Variants in GFPT1 observed in about 807,000 individuals in gnomAD.
The protein encoded by GFPT1 is glutamine--fructose-6-phosphate aminotransferase [isomerizing] 1.
Under a neutral mutation model 92.0 loss-of-function variants are expected in GFPT1, and 40 were observed. That is an observed-to-expected ratio of 0.43 (90% CI 0.34 to 0.57). The LOEUF (loss-of-function observed/expected upper bound fraction) is 0.57. Ranked by LOEUF, GFPT1 falls within the 20% of genes least tolerant of loss-of-function variation. The probability of loss-of-function intolerance (pLI) is 0.02; values close to 1 mark genes in which losing one functional copy is unlikely to be tolerated. For missense variants in GFPT1, 448 were observed against 869.1 expected (o/e 0.52, Z 6.09); for synonymous variants, 269 against 280.6 (o/e 0.96, Z 0.41).
At chr2:69,352,589 A>C (rs1177330232) in intron 9 of GFPT1, among the ~76,000 whole-genome samples, 1 of 120,754 alleles carries the variant, frequency 8.3e-6, no homozygotes, top group Admixed American at 9.1e-5. Context: ...CTACAGCCTG[A>C]GCAACAGAGC....
chr2:69,381,203 G>A (rs1221999940), intron 1 of GFPT1, among the ~76,000 whole-genome samples: 5 of 152,136 alleles, frequency 3.3e-5, no homozygotes, highest in African/African-American at 1.2e-4. Flanking sequence ...GGCTGGTCTC[G>A]AACTCCTGAC....
At chr2:69,338,413 T>C (rs768981906) in intron 14 of GFPT1, 32 bp downstream of exon 14, 2 of 1,578,008 alleles carry the variant, frequency 1.3e-6, no homozygotes, top group African/African-American at 1.4e-5. Flanking sequence ...AGAATAACTT[T>C]CCTTCCTTTT....
chr2:69,326,753 T>C (rs1313170693), intron 19 of GFPT1, among the ~76,000 whole-genome samples, 161 bp downstream of exon 19: 1 of 152,210 alleles, frequency 6.6e-6, no homozygotes, highest in Non-Finnish European at 1.5e-5. Flanking sequence ...TAAGAAGATG[T>C]TGTGATGTAA....
Position 69,361,972 on chromosome 2 carries a change from C to T in GFPT1, c.349+1573G>A, listed in dbSNP as rs528097992. ...CCAGCCTGGGTGGAGGAGTGAGACC[C>T]TGTCTCTAAAATAAAAGGAAAAAAA... On this transcript the variant is annotated intron_variant, in intron 4 of 19. Coordinates refer to ENST00000357308, the MANE Select transcript of GFPT1 (RefSeq NM_001244710.2). 2.0e-5 allele frequency among the ~76,000 whole-genome samples: 3 copies of T among 152,130 alleles called. No homozygotes were observed. The South Asian group carries it at 6.2e-4, about 32-fold the overall frequency.
chr2:69,385,749 T>C (rs966461846), intron 1 of GFPT1, among the ~76,000 whole-genome samples: 4 of 152,108 alleles, frequency 2.6e-5, no homozygotes, highest in African/African-American at 4.8e-5. Flanking sequence ...TTCTACTAAG[T>C]AGACACTGCA....
At chr2:69,360,056 G>A (rs767588364) in intron 4 of GFPT1, among the ~76,000 whole-genome samples, 1 of 152,084 alleles carries the variant, frequency 6.6e-6, no homozygotes, top group African/African-American at 2.4e-5. Flanking sequence ...GGCTGAGCAC[G>A]GTGGCTCATG....
chr2:69,347,211 T>C (rs893951541), intron 11 of GFPT1, among the ~76,000 whole-genome samples: 2 of 130,598 alleles, frequency 1.5e-5, no homozygotes, highest in Admixed American at 7.5e-5. Flanking sequence ...GCACCTGGAC[T>C]TTTTTTTTTT....
chr2:69,351,470 T>C (rs774973889), intron 9 of GFPT1, among the ~76,000 whole-genome samples: 1 of 152,212 alleles, frequency 6.6e-6, no homozygotes, highest in Non-Finnish European at 1.5e-5. Context: ...TGCTATTTCA[T>C]CTATCCTCTT....
intron 15 of GFPT1, 109 bp downstream of exon 15, chr2:69,337,789 T>C: frequency 1.1e-6 from 1 of 886,750 alleles, no homozygotes. Flanking sequence ...ATAAAATGTG[T>C]GAGTTCTATA....
chr2:69,356,488 A>G lies in GFPT1; in HGVS notation c.605+8T>C, dbSNP rs753107368. ...AAATACATTAGTCATTGTTAGAGTT[A>G]TATGTACCTTGTGCCAACTGCTTGC... On this transcript the variant is annotated splice_region_variant and intron_variant, in intron 7 of 19. Transcript: ENST00000357308. 6.3e-7 allele frequency: 1 copy of G among 1,592,278 alleles called. No individual in the cohort carries two copies. The highest frequency in any genetic ancestry group is 8.6e-7 in the Non-Finnish European group (1 of 1,159,988).
chr2:69,385,230 T>G (rs1373391104), intron 1 of GFPT1, among the ~76,000 whole-genome samples: 1 of 152,178 alleles, frequency 6.6e-6, no homozygotes, highest in Non-Finnish European at 1.5e-5. Flanking sequence ...TTTATATTTA[T>G]TTATCATTTT....
chr2:69,361,632 C>T (rs1022441301), intron 4 of GFPT1, among the ~76,000 whole-genome samples: 5 of 152,070 alleles, frequency 3.3e-5, no homozygotes, highest in African/African-American at 1.2e-4. Flanking sequence ...TCAAATTCAA[C>T]AGTAAGTATT....
At chr2:69,383,086 G>A (rs1672048310) in intron 1 of GFPT1, among the ~76,000 whole-genome samples, 1 of 152,148 alleles carries the variant, frequency 6.6e-6, no homozygotes, top group Non-Finnish European at 1.5e-5. Flanking sequence ...CTAGGCACCT[G>A]AAATATACGG....
chr2:69,334,080 C>T (rs932380400), intron 15 of GFPT1, among the ~76,000 whole-genome samples: 11 of 152,194 alleles, frequency 7.2e-5, no homozygotes, highest in South Asian at 2.1e-4. Flanking sequence ...CACTTGAAAC[C>T]GGAGGGCGGA....
At chr2:69,327,879 G>A (rs189092503) in intron 18 of GFPT1, among the ~76,000 whole-genome samples, 179 of 151,862 alleles carry the variant, frequency 1.2e-3, no homozygotes, top group Non-Finnish European at 2.1e-3. Flanking sequence ...GAGGCAGGTG[G>A]ATCACTTCAG....
chr2:69,353,541 G>T (rs1178299125), intron 9 of GFPT1, among the ~76,000 whole-genome samples: 1 of 151,530 alleles, frequency 6.6e-6, no homozygotes, highest in East Asian at 2.0e-4. Context: ...CTAAAAATAA[G>T]AATTAGCTGG....
At chr2:69,376,467 C>A (rs187426897) in intron 1 of GFPT1, among the ~76,000 whole-genome samples, 1 of 151,488 alleles carries the variant, frequency 6.6e-6, no homozygotes, top group African/African-American at 2.4e-5. Context: ...TGCAGTGAGC[C>A]GAGATCGCAC....
chr2:69,368,331 G>A (rs1012747026), intron 3 of GFPT1, among the ~76,000 whole-genome samples: 6 of 152,136 alleles, frequency 3.9e-5, no homozygotes, highest in African/African-American at 1.2e-4. Flanking sequence ...GCAGTGAACC[G>A]AGATTGTGTC....
In GFPT1 at chr2:69,353,301, T is replaced by A. The variant is rs138469395; in HGVS notation, c.739+958A>T. The stretch of plus-strand genomic sequence containing the variant: ...CCTGTAATCCCTGTAATTTAGGAGG[T>A]TGAGGTGGGAGGATCCCTTAAGCCC... On this transcript the variant is annotated intron_variant, in intron 9 of 19. Transcript: ENST00000357308. Among the ~76,000 whole-genome samples, 43 of 151,826 alleles carry A rather than the reference T, an allele frequency of 2.8e-4. No homozygotes were observed. The South Asian group carries it at 9.0e-3, about 32-fold the overall frequency.
Sources: allele counts gnomAD v4.1 joint callset (sites outside exome capture counted in the v4.1 genomes callset), GRCh38; gene constraint gnomAD v4.1.1; transcripts MANE v1.5; gene names NCBI Gene and HGNC (gene_info 2026-07-23, HGNC 2026-07-21).